The following STAT1 variants were observed in gnomAD, a reference collection of about 807,000 sequenced individuals.
The protein encoded by STAT1 is signal transducer and activator of transcription 1, also known as signal transducer and activator of transcription 1-alpha/beta.
Under a neutral mutation model 111.7 loss-of-function variants are expected in STAT1, and 24 were observed. The observed-to-expected ratio is 0.21, with a 90% CI of 0.16 to 0.30. The LOEUF (loss-of-function observed/expected upper bound fraction) is 0.30, where lower values mean the gene tolerates loss of function less well. STAT1 is among the 10% of genes least tolerant of loss of function. STAT1 has a pLI of 1.00. For missense variants in STAT1, 351 were observed against 911.9 expected (o/e 0.38, Z 7.92); for synonymous variants, 332 against 326.5 (o/e 1.02, Z -0.18).
intron 24 of STAT1, among the ~76,000 whole-genome samples, chr2:190,972,852 T>TGTGTGA (rs1553491673): frequency 6.3e-5 from 9 of 142,262 alleles, no homozygotes; most frequent in Admixed American, 2.8e-4. Context: ...TGTGTGTGTG[T>TGTGTGA]GAAATGGATT....
Position 191,007,560 on chromosome 2 carries a change from T to C in STAT1, c.372+3A>G. 1 of 1,606,536 alleles carries C rather than the reference T, an allele frequency of 6.2e-7. No homozygotes were observed. Among genetic ancestry groups the C allele is most frequent in the South Asian group, 1.1e-5 (1 of 90,934 alleles). ...GTTTATGTGTTCAATGAGAAAAAAG[T>C]ACCTGATTAAATCTCTGGGCGTTTT... On this transcript the variant is annotated splice_donor_region_variant and intron_variant, in intron 5 of 24. Transcript: ENST00000361099. The surrounding 1 kb of genome is among the most constrained non-coding windows in gnomAD (Gnocchi z 4.2).
rs1212267324 is a variant in STAT1 at position 190,977,645 on chromosome 2, G to A, written c.1874-620C>T. Among the ~76,000 whole-genome samples the A allele has an allele frequency of 2.0e-5, 3 of 152,096 alleles. No individual in the cohort carries two copies. Among genetic ancestry groups the A allele is most frequent in the Admixed American group, 6.5e-5 (1 of 15,274 alleles). On this transcript the variant is annotated intron_variant, in intron 21 of 24. Transcript: ENST00000361099. The surrounding 1 kb of genome is among the most constrained non-coding windows in gnomAD (Gnocchi z 4.7). ...TGGGTGTCGACCTTCCAGAGGCCACGGTTCAGGTGTTCTGGGGAGCCTGCT... is the reference window on the plus strand; with the variant it reads ...TGGGTGTCGACCTTCCAGAGGCCACAGTTCAGGTGTTCTGGGGAGCCTGCT...
At position 190,990,036 on chromosome 2, in the gene STAT1, C is replaced by G. The variant is rs1693195201; in HGVS notation, c.1038-362G>C. Reference sequence around the variant, plus strand: ...CAATTTATATGGGTAAAATAGCAAACATTACTTTCTATTAAAACTTGTATC... The same window carrying G: ...CAATTTATATGGGTAAAATAGCAAAGATTACTTTCTATTAAAACTTGTATC... On this transcript the variant is annotated intron_variant, in intron 11 of 24. Transcript: ENST00000361099. This position sits in a 1 kb window ranked among gnomAD's most constrained non-coding sequence, Gnocchi z 5.1. Among the ~76,000 whole-genome samples the G allele has an allele frequency of 6.6e-6, 1 of 152,180 alleles. No homozygotes were observed. The highest frequency in any genetic ancestry group is 1.5e-5 in the Non-Finnish European group (1 of 68,020).
Position 191,012,326 on chromosome 2 carries a change from G to A in STAT1, c.-2+1199C>T, listed in dbSNP as rs1695197431. ...AACTACTCGTGAGGCTGAGGCAGGG[G>A]AATTGCTTGAACCCAGGAGGCGGAG... On this transcript the variant is annotated intron_variant, in intron 2 of 24. Coordinates refer to ENST00000361099, the MANE Select transcript of STAT1 (RefSeq NM_007315.4). The surrounding 1 kb of genome is among the most constrained non-coding windows in gnomAD (Gnocchi z 4.0). Among the ~76,000 whole-genome samples, 1 of 151,802 alleles carries A rather than the reference G, an allele frequency of 6.6e-6. No homozygotes were observed. The highest frequency in any genetic ancestry group is 2.4e-5 in the African/African-American group (1 of 41,312).
rs1020837932 is a variant in STAT1, at chr2:191,004,833, A to G, written c.372+2730T>C. On this transcript the variant is annotated intron_variant, in intron 5 of 24. Transcript: ENST00000361099. This position sits in a 1 kb window ranked among gnomAD's most constrained non-coding sequence, Gnocchi z 5.0. ...AAAGATGGAACAGCAAAGGAAGCTT[A>G]GAATCCACCTCATGTCTTTCCCTCC... 3.9e-5 allele frequency among the ~76,000 whole-genome samples: 6 copies of G among 152,230 alleles called. No individual in the cohort carries two copies. The highest frequency in any genetic ancestry group is 3.3e-4 in the Admixed American group (5 of 15,290).
At position 190,969,829 on chromosome 2, in the gene STAT1, A is replaced by G. The variant is rs1048669825; in HGVS notation, c.*874T>C. On this transcript the variant is annotated 3_prime_UTR_variant, in exon 25 of 25. Transcript: ENST00000361099. ...AAAGTAGCCCATTTAAGAAACATGA[A>G]TTAAATTTCTGAGTTTATCTACATC... 2 of 152,224 alleles carry G rather than the reference A, an allele frequency of 1.3e-5. No homozygotes were observed. The highest frequency in any genetic ancestry group is 2.9e-5 in the Non-Finnish European group (2 of 68,034). 9.4% of individuals were successfully genotyped at this position (152,224 alleles called of 1,614,324 possible). A position where few individuals can be genotyped will look rare whatever the true frequency, so the allele number is the denominator to read the frequency against.
rs1691724000 is a variant in STAT1 at position 190,974,253 on chromosome 2, A to G, written c.2238+577T>C. 6.6e-6 allele frequency among the ~76,000 whole-genome samples: 1 copy of G among 152,114 alleles called. No individual in the cohort carries two copies. Among genetic ancestry groups the G allele is most frequent in the Non-Finnish European group, 1.5e-5 (1 of 68,010 alleles). Reference sequence around the variant, plus strand: ...GATGTTCCCTTTTGTGGACAATCATATTCCCATTTCTATCACGAATCTCAT... The same window carrying G: ...GATGTTCCCTTTTGTGGACAATCATGTTCCCATTTCTATCACGAATCTCAT... On this transcript the variant is annotated intron_variant, in intron 24 of 24. Transcript: ENST00000361099. The surrounding 1 kb of genome is among the most constrained non-coding windows in gnomAD (Gnocchi z 4.8).
rs1410637558 is a variant in STAT1 at position 190,991,840 on chromosome 2, G to A, written c.945-520C>T. Among the ~76,000 whole-genome samples the A allele has an allele frequency of 2.0e-5, 3 of 152,114 alleles. No individual in the cohort carries two copies. The South Asian group carries it at 6.2e-4, about 31-fold the overall frequency. On this transcript the variant is annotated intron_variant, in intron 10 of 24. Coordinates refer to ENST00000361099, the MANE Select transcript of STAT1 (RefSeq NM_007315.4). Reference sequence around the variant, plus strand: ...CCACTGCACTCCAGTCTGGATGACAGAGTGAGGCCCTGTCTCAAAAATCCA... The same window carrying A: ...CCACTGCACTCCAGTCTGGATGACAAAGTGAGGCCCTGTCTCAAAAATCCA...
chr2:191,002,302 C>A (rs140600736), intron 5 of STAT1, among the ~76,000 whole-genome samples: 160 of 152,294 alleles, frequency 1.1e-3, no homozygotes, highest in African/African-American at 3.7e-3. Context: ...CTCTGAGCTG[C>A]CAACTTTATC....
chr2:191,010,909 C>A (rs1353533313), intron 2 of STAT1, among the ~76,000 whole-genome samples: 1 of 152,218 alleles, frequency 6.6e-6, no homozygotes, highest in African/African-American at 2.4e-5. Context: ...TCCTAAAATT[C>A]ATTAGGAAAA....
chr2:190,972,250 A>T (rs965959328), intron 24 of STAT1, among the ~76,000 whole-genome samples: 1 of 152,246 alleles, frequency 6.6e-6, no homozygotes, highest in Admixed American at 6.5e-5. Flanking sequence ...AATGTTTAGT[A>T]TAGTAGACAG....
Position 190,969,819 on chromosome 2 carries a change from A to G in STAT1, c.*884T>C, listed in dbSNP as rs1691316866. On this transcript the variant is annotated 3_prime_UTR_variant, in exon 25 of 25. Transcript: ENST00000361099. ...CAAAAAGGACAAAGTAGCCCATTTAAGAAACATGAATTAAATTTCTGAGTT... is the reference window on the plus strand; with the variant it reads ...CAAAAAGGACAAAGTAGCCCATTTAGGAAACATGAATTAAATTTCTGAGTT... The G allele has an allele frequency of 6.6e-6, 1 of 152,254 alleles. No individual in the cohort carries two copies. Among genetic ancestry groups the G allele is most frequent in the Non-Finnish European group, 1.5e-5 (1 of 68,036 alleles). 9.4% of individuals were successfully genotyped at this position (152,254 alleles called of 1,614,324 possible).
rs1694796539 is a variant in STAT1 at position 191,007,505 on chromosome 2, GATGA to G, written c.372+54_372+57del. The G allele has an allele frequency of 4.6e-6, 6 of 1,292,934 alleles. No individual in the cohort carries two copies. The highest frequency in any genetic ancestry group is 2.0e-4 in the Middle Eastern group (1 of 5,022). 80.1% of individuals were successfully genotyped at this position (1,292,934 alleles called of 1,614,324 possible). A position where few individuals can be genotyped will look rare whatever the true frequency, so the allele number is the denominator to read the frequency against. On this transcript the variant is annotated intron_variant, in intron 5 of 24. Transcript: ENST00000361099. The surrounding 1 kb of genome is among the most constrained non-coding windows in gnomAD (Gnocchi z 4.2). The stretch of plus-strand genomic sequence containing the variant: ...TTTGACATGGGCCCTAATAGTATTT[GATGA>G]ATGAATACATTTTTATTTTATTACA...
In STAT1 at chr2:190,995,327, A is replaced by T. The variant is rs41364950; in HGVS notation, c.786-108T>A. On this transcript the variant is annotated intron_variant, in intron 9 of 24. Transcript: ENST00000361099. The surrounding 1 kb of genome is among the most constrained non-coding windows in gnomAD (Gnocchi z 4.2). ...CCATTCTCATGCTGCTAATAAAGAC[A>T]TACTCGAGACTGGAGAATTTATAAA... is the stretch of plus-strand genomic sequence containing the variant. 5 of 1,130,214 alleles carry T rather than the reference A, an allele frequency of 4.4e-6. No individual in the cohort carries two copies. The East Asian group carries it at 1.2e-4, about 27-fold the overall frequency. 70.0% of individuals were successfully genotyped at this position (1,130,214 alleles called of 1,614,324 possible). A position where few individuals can be genotyped will look rare whatever the true frequency, so the allele number is the denominator to read the frequency against.
At chr2:190,992,847 T>C (rs1693486651) in intron 10 of STAT1, 1 of 320,550 alleles carries the variant, frequency 3.1e-6, no homozygotes. Context: ...TGGAGAGCAA[T>C]GGCGCAATCT....
rs1038357806 is a variant in STAT1, at chr2:190,987,419, T to C, written c.1098-351A>G. ...AGCACCAGCACCAGTACACCCTCAATAAATGTTTAAGCTATCGTTATTGTT... is the reference window on the plus strand; with the variant it reads ...AGCACCAGCACCAGTACACCCTCAACAAATGTTTAAGCTATCGTTATTGTT... On this transcript the variant is annotated intron_variant, in intron 12 of 24. Coordinates refer to ENST00000361099, the MANE Select transcript of STAT1 (RefSeq NM_007315.4). This position sits in a 1 kb window ranked among gnomAD's most constrained non-coding sequence, Gnocchi z 4.0. Among the ~76,000 whole-genome samples the C allele has an allele frequency of 5.9e-5, 9 of 152,176 alleles. No individual in the cohort carries two copies. Among genetic ancestry groups the C allele is most frequent in the African/African-American group, 1.4e-4 (6 of 41,438 alleles).
Position 190,975,530 on chromosome 2 carries a change from C to A in STAT1, c.2135+282G>T, listed in dbSNP as rs967000216. ...TCTAGATTGAAAAGAACTACTTTCC[C>A]ACTCTGATCAACTTTTGCTCATTTT... is the stretch of plus-strand genomic sequence containing the variant. On this transcript the variant is annotated intron_variant, in intron 23 of 24. Transcript: ENST00000361099. The surrounding 1 kb of genome is among the most constrained non-coding windows in gnomAD (Gnocchi z 5.9). The A allele has an allele frequency of 1.6e-6, 2 of 1,286,048 alleles. No individual in the cohort carries two copies. Among genetic ancestry groups the A allele is most frequent in the African/African-American group, 3.0e-5 (2 of 65,980 alleles). The allele number at this position is 1,286,048 out of a possible 1,614,324, so 79.7% of individuals were successfully genotyped here.
At chr2:190,988,063 G>A (rs1309082287) in intron 12 of STAT1, among the ~76,000 whole-genome samples, 1 of 152,170 alleles carries the variant, frequency 6.6e-6, no homozygotes, top group African/African-American at 2.4e-5. Context: ...TAGGAAGTAG[G>A]ATATACTTCC....
Position 190,989,875 on chromosome 2 carries a change from G to A in STAT1, c.1038-201C>T, listed in dbSNP as rs999674883. ...AGAATAAATTCCTAGCTGTGGAACC[G>A]CTTAGGAAAAATTGTAACACTAATT... On this transcript the variant is annotated intron_variant, in intron 11 of 24. Coordinates refer to ENST00000361099, the MANE Select transcript of STAT1 (RefSeq NM_007315.4). This position sits in a 1 kb window ranked among gnomAD's most constrained non-coding sequence, Gnocchi z 5.0. Among the ~76,000 whole-genome samples the A allele has an allele frequency of 2.6e-5, 4 of 152,136 alleles. No homozygotes were observed. Among genetic ancestry groups the A allele is most frequent in the Non-Finnish European group, 4.4e-5 (3 of 68,022 alleles).
Sources: gnomAD v4.1 joint callset for allele counts (sites outside exome capture counted in the v4.1 genomes callset) on GRCh38, gnomAD v4.1.1 for gene constraint, Gnocchi (gnomAD v3.1) non-coding constraint, MANE v1.5 for transcripts, NCBI Gene and HGNC (gene_info 2026-07-23, HGNC 2026-07-21) for gene names.